The following PPP1R12C variants were observed in gnomAD, a reference collection of about 807,000 sequenced individuals.
PPP1R12C encodes leukocyte receptor cluster (LRC) encoded novel gene 3.
PPP1R12C carries 48 observed loss-of-function variants against 95.6 expected under a neutral mutation model. That is an observed-to-expected ratio of 0.50 (90% confidence interval 0.40 to 0.64). The LOEUF (loss-of-function observed/expected upper bound fraction) is 0.64, where lower values mean the gene tolerates loss of function less well. Among genes scored for constraint, PPP1R12C ranks in the 30% least tolerant of loss-of-function variants. The pLI, the probability that PPP1R12C is intolerant of heterozygous loss-of-function variation, is 0.00. For missense variants in PPP1R12C, 1,057 were observed against 1,083.3 expected (o/e 0.98, Z 0.34); for synonymous variants, 480 against 460.8 (o/e 1.04, Z -0.53).
chr19:55,117,290 G>A lies in PPP1R12C; in HGVS notation c.254C>T (p.Ala85Val). The change falls in exon 1 of 22, where the codon GCC becomes GTC. Residue 85 changes from alanine (A) to valine (V), a missense_variant. Ala to Val is a moderately conservative substitution (Grantham distance 64). Transcript: ENST00000263433. Reference protein sequence around the residue: ...DPGPGAELDPAAPPPARAVLD... With the variant: ...DPGPGAELDPVAPPPARAVLD... The stretch of plus-strand genomic sequence containing the variant: ...CACGGCGCGGGCGGGCGGCGGCGCG[G>A]CGGGGTCGAGCTCGGCGCCGGGGCC... The A allele has an allele frequency of 2.5e-6, 3 of 1,216,542 alleles. No individual in the cohort carries two copies. The highest frequency in any genetic ancestry group is 1.6e-5 in the African/African-American group (1 of 63,418). The allele number at this position is 1,216,542 out of a possible 1,614,324, so 75.4% of individuals were successfully genotyped here.
intron 3 of PPP1R12C, among the ~76,000 whole-genome samples, chr19:55,106,507 G>A (rs566144460): frequency 1.3e-5 from 2 of 152,292 alleles, no homozygotes; most frequent in South Asian, 2.1e-4. Context: ...GGTCGATTCC[G>A]CCTGCCTCCA....
At chr19:55,101,548 T>C (rs1454785647) in intron 4 of PPP1R12C, among the ~76,000 whole-genome samples, 2 of 152,162 alleles carry the variant, frequency 1.3e-5, no homozygotes, top group African/African-American at 2.4e-5. Flanking sequence ...GACTGCTCTT[T>C]TGAAAGGAAT....
At chr19:55,110,775 G>A (rs1181058635) in intron 3 of PPP1R12C, among the ~76,000 whole-genome samples, 1 of 151,926 alleles carries the variant, frequency 6.6e-6, no homozygotes, top group Non-Finnish European at 1.5e-5. Flanking sequence ...AGAAGCTGAG[G>A]CAGGAGAATC....
chr19:55,112,390 C>G, intron 3 of PPP1R12C, 77 bp downstream of exon 3: 1 of 1,324,530 alleles, frequency 7.5e-7, no homozygotes, highest in South Asian at 1.3e-5. Flanking sequence ...GTGCCCAGGC[C>G]GCCTCTAAAG....
At chr19:55,099,136 G>T in intron 4 of PPP1R12C, 41 bp from the exon 5 acceptor site, 1 of 1,467,014 alleles carries the variant, frequency 6.8e-7, no homozygotes, top group Non-Finnish European at 9.0e-7. Context: ...CCAAGGCGGG[G>T]CCCTTGGCCG....
rs2084846087 is a variant in PPP1R12C at position 55,091,899 on chromosome 19, C to G, written c.2171G>C (p.Arg724Pro). The G allele has an allele frequency of 6.2e-7, 1 of 1,613,166 alleles. No individual in the cohort carries two copies. The highest frequency in any genetic ancestry group is 1.3e-5 in the African/African-American group (1 of 74,916). ...CAGGAGGGCTGGCCTCTCAGCGAAG[C>G]GTTCTTGCCTCTGGTGAGGACACAG... ...ELERATQRQE[R>P]FAERPALLEL... Residue 724 changes from arginine to proline, a missense_variant, in exon 20 of 22, where the codon CGC becomes CCC. Physicochemically the swap from Arg to Pro is moderately radical, Grantham distance 103. Around this residue, in one of 5 missense-constraint regions of PPP1R12C, gnomAD observed 347 missense variants for 307.9 expected, o/e 1.13. Transcript: ENST00000263433.
intron 4 of PPP1R12C, among the ~76,000 whole-genome samples, chr19:55,102,992 A>G (rs2084994669): frequency 6.6e-6 from 1 of 152,084 alleles, no homozygotes; most frequent in Admixed American, 6.5e-5. Flanking sequence ...ACTTGAGCCC[A>G]GGAGTTCGAG....
At chr19:55,101,442 C>T (rs1266830860) in intron 4 of PPP1R12C, among the ~76,000 whole-genome samples, 1 of 152,216 alleles carries the variant, frequency 6.6e-6, no homozygotes, top group Admixed American at 6.5e-5. Flanking sequence ...GGCCACCCAG[C>T]TGAAGACAAA....
At chr19:55,110,046 C>T (rs1020424372) in intron 3 of PPP1R12C, among the ~76,000 whole-genome samples, 1 of 152,200 alleles carries the variant, frequency 6.6e-6, no homozygotes, top group African/African-American at 2.4e-5. Context: ...GCATGGCCCC[C>T]TCTGAGAAGC....
intron 15 of PPP1R12C, 53 bp from the exon 16 acceptor site, chr19:55,092,921 C>G: frequency 2.5e-6 from 4 of 1,592,582 alleles, no homozygotes; most frequent in Admixed American, 1.8e-5. Flanking sequence ...CCTCTCGGTG[C>G]CTGGGTCCCC....
chr19:55,095,740 T>C (rs1202699761), intron 9 of PPP1R12C, 127 bp downstream of exon 9: 3 of 1,518,706 alleles, frequency 2.0e-6, no homozygotes, highest in Non-Finnish European at 2.7e-6. Context: ...AGGAAGCCGG[T>C]TGTCCAGGAC....
chr19:55,092,071 C>CG, intron 19 of PPP1R12C, 151 bp downstream of exon 19: 1 of 1,092,446 alleles, frequency 9.2e-7, no homozygotes, highest in Non-Finnish European at 1.3e-6. Context: ...CCCATCCCCT[C>CG]GCTCAGACTC....
chr19:55,094,182 CT>C (rs1247242156), intron 13 of PPP1R12C, among the ~76,000 whole-genome samples, 162 bp downstream of exon 13: 24 of 644 alleles, frequency 0.037, 11 homozygotes, highest in African/African-American at 0.093. Context: ...GAGTCCAGAC[CT>C]CCAGCCCCTC....
chr19:55,101,533 T>C (rs753754309), intron 4 of PPP1R12C, among the ~76,000 whole-genome samples: 3 of 152,132 alleles, frequency 2.0e-5, no homozygotes, highest in Non-Finnish European at 4.4e-5. Context: ...GTGGTGCCGC[T>C]TGCGGACTGC....
In PPP1R12C at chr19:55,100,132, C is replaced by G. The variant is rs1249082214; in HGVS notation, c.732-1037G>C. Among the ~76,000 whole-genome samples, 3 of 152,218 alleles carry G rather than the reference C, an allele frequency of 2.0e-5. No homozygotes were observed. In the East Asian group the frequency reaches 5.8e-4, roughly 29 times the overall value. On this transcript the variant is annotated intron_variant, in intron 4 of 21. Coordinates refer to ENST00000263433, the MANE Select transcript of PPP1R12C (RefSeq NM_017607.4). ...GCTCTCAGCCGGGCAGTGTTCTGTG[C>G]CCTGCAGCATCTCACGCTGAGCCCC... is the stretch of plus-strand genomic sequence containing the variant.
intron 6 of PPP1R12C, 22 bp from the exon 7 acceptor site, chr19:55,096,357 G>A: frequency 6.2e-7 from 1 of 1,611,648 alleles, no homozygotes; most frequent in Non-Finnish European, 8.5e-7. Context: ...GAAGGGGGCT[G>A]CAGGGGAGGG....
At position 55,093,027 on chromosome 19, in the gene PPP1R12C, G is replaced by A. The variant is rs909434587; in HGVS notation, c.1814C>T (p.Pro605Leu). 1.7e-5 allele frequency: 27 copies of A among 1,583,922 alleles called. No homozygotes were observed. Among genetic ancestry groups the A allele is most frequent in the Admixed American group, 5.2e-5 (3 of 57,996 alleles). Residue 605 changes from proline (P) to leucine (L), a missense_variant, in exon 15 of 22, where the codon CCT becomes CTT. Around this residue, in one of 5 missense-constraint regions of PPP1R12C, gnomAD observed 347 missense variants for 307.9 expected, o/e 1.13. Transcript: ENST00000263433. ...AGAGCAGACCTCACCTCTCTGGGCAGGGCTGTCAGAGTTCTCCACTCCAGG... is the reference window on the plus strand; with the variant it reads ...AGAGCAGACCTCACCTCTCTGGGCAAGGCTGTCAGAGTTCTCCACTCCAGG... ...RVPGVENSDS[P>L]AQRAEAPDGQ...
intron 5 of PPP1R12C, 35 bp downstream of exon 5, chr19:55,098,916 C>A: frequency 6.2e-7 from 1 of 1,605,790 alleles, no homozygotes. Flanking sequence ...CCTCCCCACG[C>A]CCTGCCCCTC....
Position 55,091,568 on chromosome 19 carries a change from G to A in PPP1R12C, c.2263-10C>T, listed in dbSNP as rs370484633. ...GGAGGTCAGACAGGGCCTGGGGGAC[G>A]GCAAGGGTCAGCTGGGCAGCCCTGG... On this transcript the variant is annotated splice_polypyrimidine_tract_variant and intron_variant, in intron 21 of 21. Transcript: ENST00000263433. 7 of 1,613,078 alleles carry A rather than the reference G, an allele frequency of 4.3e-6. No individual in the cohort carries two copies. The Admixed American group carries it at 5.0e-5, about 12-fold the overall frequency.
Sources: gnomAD v4.1 joint callset for allele counts (sites outside exome capture counted in the v4.1 genomes callset) on GRCh38, gnomAD v4.1.1 for gene constraint, gnomAD v4.1.1 regional missense constraint, MANE v1.5 for transcripts, NCBI Gene and HGNC (gene_info 2026-07-23, HGNC 2026-07-21) for gene names.